The following CFAP100 variants were observed in gnomAD, a reference collection of about 807,000 sequenced individuals.
The protein encoded by CFAP100 is cilia and flagella associated protein 100.
In CFAP100, 70 loss-of-function variants were observed where a neutral mutation model predicts 81.5. That is an observed-to-expected ratio of 0.86 (90% CI 0.71 to 1.05). CFAP100 has a LOEUF of 1.05. Among genes scored for constraint, CFAP100 ranks in the 50% least tolerant of loss-of-function variants. The probability of loss-of-function intolerance (pLI) is 0.00; values close to 1 mark genes in which losing one functional copy is unlikely to be tolerated. For synonymous variants in CFAP100, 341 were observed against 314.8 expected (o/e 1.08, Z -0.88); for missense variants, 811 against 776.5 (o/e 1.04, Z -0.53).
chr3:126,436,234 T>C, intron 16 of CFAP100, 57 bp from the exon 17 acceptor site: 1 of 1,356,738 alleles, frequency 7.4e-7, no homozygotes, highest in Non-Finnish European at 1.0e-6. Context: ...GGGGCAGGGG[T>C]ATATGGGCAT....
intron 2 of CFAP100, among the ~76,000 whole-genome samples, chr3:126,398,141 G>T (rs2082916486): frequency 6.6e-6 from 1 of 152,062 alleles, no homozygotes; most frequent in Non-Finnish European, 1.5e-5. Context: ...CTAAGCCTTG[G>T]CAGAGGGGCT....
At chr3:126,430,121 A>G (rs1933152870) in intron 13 of CFAP100, among the ~76,000 whole-genome samples, 1 of 152,194 alleles carries the variant, frequency 6.6e-6, no homozygotes, top group African/African-American at 2.4e-5. Context: ...TCATTATAAT[A>G]TGTCCCAAAG....
intron 2 of CFAP100, among the ~76,000 whole-genome samples, chr3:126,402,599 G>A (rs949787120): frequency 1.3e-5 from 2 of 152,110 alleles, no homozygotes; most frequent in African/African-American, 4.8e-5. Context: ...ACTGACAGAG[G>A]CTGTGGCTGG....
In CFAP100 at chr3:126,421,112, CTT is replaced by C. The variant is rs369045160; in HGVS notation, c.1082+884_1082+885del. 1.6e-4 allele frequency among the ~76,000 whole-genome samples: 24 copies of C among 152,332 alleles called. 1 individual carries two copies. In the South Asian group the frequency reaches 4.8e-3, roughly 30 times the overall value. Reference sequence around the variant, plus strand: ...CCGCCTCCCAGGTTCAAGCGATTCTCTTGTCTCAGCCTCCCGAGTAGCTGGGA... The same window carrying C: ...CCGCCTCCCAGGTTCAAGCGATTCTCGTCTCAGCCTCCCGAGTAGCTGGGA... On this transcript the variant is annotated intron_variant, in intron 11 of 16. Transcript: ENST00000352312.
chr3:126,418,324 A>G (rs932060461), intron 5 of CFAP100, 134 bp from the exon 6 acceptor site: 2 of 707,504 alleles, frequency 2.8e-6, no homozygotes, highest in Non-Finnish European at 4.9e-6. Flanking sequence ...ACTACCTTCC[A>G]TGGTCCCGGT....
chr3:126,413,960 G>A (rs201160500), intron 3 of CFAP100, 125 bp from the exon 4 acceptor site: 2 of 320,664 alleles, frequency 6.2e-6, no homozygotes, highest in Admixed American at 5.0e-5. Context: ...GCTGGATCCA[G>A]GGGGAACCTT....
intron 14 of CFAP100, chr3:126,433,479 T>C (rs1160431483): frequency 1.8e-5 from 7 of 392,208 alleles, no homozygotes; most frequent in Non-Finnish European, 2.8e-5. Flanking sequence ...GGCAAGGTGA[T>C]CCTGAAGGGG....
chr3:126,436,531 C>T lies in CFAP100; in HGVS notation c.*127C>T. On this transcript the variant is annotated 3_prime_UTR_variant, in exon 17 of 17. Transcript: ENST00000352312. ...TGTCTCCTGTGTGCTCCCTTCCTCACCTGAATAAATTCATGTCTCTCTGGA... is the reference window on the plus strand; with the variant it reads ...TGTCTCCTGTGTGCTCCCTTCCTCATCTGAATAAATTCATGTCTCTCTGGA... The T allele has an allele frequency of 1.5e-6, 1 of 666,180 alleles. No homozygotes were observed. The highest frequency in any genetic ancestry group is 2.7e-6 in the Non-Finnish European group (1 of 374,080). The allele number at this position is 666,180 out of a possible 1,614,324, so 41.3% of individuals were successfully genotyped here.
chr3:126,415,876 C>T (rs372305201), intron 4 of CFAP100, among the ~76,000 whole-genome samples: 1 of 152,164 alleles, frequency 6.6e-6, no homozygotes, highest in Non-Finnish European at 1.5e-5. Flanking sequence ...GGGTGGAGAG[C>T]AGGTGGAGAT....
Position 126,420,142 on chromosome 3 carries a change from C to A in CFAP100, c.995C>A (p.Thr332Lys). Residue 332 changes from threonine to lysine, a missense_variant, in exon 11 of 17, where the codon ACG becomes AAG. Physicochemically the swap from Thr to Lys is moderately conservative, Grantham distance 78. Coordinates refer to ENST00000352312, the MANE Select transcript of CFAP100 (RefSeq NM_182628.3). Reference protein sequence around the residue: ...GTKKPWRFLQTMRLGRSPSYL... With the variant: ...GTKKPWRFLQKMRLGRSPSYL... Reference sequence around the variant, plus strand: ...AAGAAGCCCTGGAGGTTTCTGCAGACGATGCGGCTGGGGCGGAGCCCGTCT... The same window carrying A: ...AAGAAGCCCTGGAGGTTTCTGCAGAAGATGCGGCTGGGGCGGAGCCCGTCT... 2 of 1,613,292 alleles carry A rather than the reference C, an allele frequency of 1.2e-6. No homozygotes were observed. Among genetic ancestry groups the A allele is most frequent in the Non-Finnish European group, 8.5e-7 (1 of 1,180,026 alleles).
At chr3:126,404,674 A>G (rs1009467503) in intron 2 of CFAP100, among the ~76,000 whole-genome samples, 16 of 152,074 alleles carry the variant, frequency 1.1e-4, no homozygotes, top group Non-Finnish European at 1.9e-4. Flanking sequence ...CAGAGCAGGG[A>G]AAATGAGGTT....
chr3:126,400,696 G>A (rs1159451088), intron 2 of CFAP100, among the ~76,000 whole-genome samples: 1 of 151,978 alleles, frequency 6.6e-6, no homozygotes, highest in Non-Finnish European at 1.5e-5. Flanking sequence ...AGCTTGCAGT[G>A]AGCCAAGATT....
chr3:126,418,579 A>G (rs1157417188), intron 6 of CFAP100, 32 bp from the exon 7 acceptor site: 3 of 1,612,924 alleles, frequency 1.9e-6, no homozygotes, highest in Admixed American at 1.7e-5. Context: ...GGCCCGGGCC[A>G]GGCACCATGA....
chr3:126,416,256 G>C lies in CFAP100; in HGVS notation c.226-60G>C, dbSNP rs1403942816. The C allele has an allele frequency of 1.4e-5, 17 of 1,228,302 alleles. No individual in the cohort carries two copies. The East Asian group carries it at 4.2e-4, about 30-fold the overall frequency. The allele number at this position is 1,228,302 out of a possible 1,614,324, so 76.1% of individuals were successfully genotyped here. A position where few individuals can be genotyped will look rare whatever the true frequency, so the allele number is the denominator to read the frequency against. The stretch of plus-strand genomic sequence containing the variant: ...GTCCCTAGGAATGGGGAACCGCGCG[G>C]GGAGGCCTGGACGCGGGTGGGGAGC... On this transcript the variant is annotated intron_variant, in intron 4 of 16. Transcript: ENST00000352312.
At chr3:126,428,449 T>A (rs995166098) in intron 13 of CFAP100, among the ~76,000 whole-genome samples, 1 of 152,212 alleles carries the variant, frequency 6.6e-6, no homozygotes, top group African/African-American at 2.4e-5. Flanking sequence ...CATATCATTA[T>A]ATAATACATT....
At chr3:126,397,862 T>C (rs2082912727) in intron 2 of CFAP100, among the ~76,000 whole-genome samples, 1 of 152,126 alleles carries the variant, frequency 6.6e-6, no homozygotes, top group African/African-American at 2.4e-5. Flanking sequence ...CAAGTACAGA[T>C]AGGACCCCCC....
intron 5 of CFAP100, 132 bp downstream of exon 5, chr3:126,416,640 C>T: frequency 1.3e-6 from 1 of 761,716 alleles, no homozygotes; most frequent in South Asian, 1.9e-5. Flanking sequence ...TTCGGAAAGG[C>T]CTGCCCTTTC....
intron 2 of CFAP100, among the ~76,000 whole-genome samples, 175 bp downstream of exon 2, chr3:126,396,224 C>A (rs953189663): frequency 1.1e-4 from 17 of 152,114 alleles, no homozygotes; most frequent in African/African-American, 4.1e-4. Flanking sequence ...AACAAAGCAC[C>A]ACCACAAACT....
chr3:126,405,428 C>T (rs2083047925), intron 2 of CFAP100, among the ~76,000 whole-genome samples: 1 of 152,102 alleles, frequency 6.6e-6, no homozygotes, highest in African/African-American at 2.4e-5. Context: ...TTTGGGAGGC[C>T]AAGGTGGGTG....
Sources: gnomAD v4.1 joint callset for allele counts (sites outside exome capture counted in the v4.1 genomes callset) on GRCh38, gnomAD v4.1.1 for gene constraint, MANE v1.5 for transcripts, NCBI Gene and HGNC (gene_info 2026-07-23, HGNC 2026-07-21) for gene names.